KIFAP3: variants seen among roughly 807,000 people sequenced by gnomAD.
KIFAP3 encodes the protein kinesin associated protein 3, also known as kinesin-associated protein 3.
KIFAP3 carries 68 observed loss-of-function variants against 106.5 expected under a neutral mutation model. The ratio of observed to expected loss-of-function variants is 0.64; its 90% CI spans 0.53 to 0.78. The LOEUF (loss-of-function observed/expected upper bound fraction) is 0.78. Among genes scored for constraint, KIFAP3 ranks in the 30% least tolerant of loss-of-function variants. KIFAP3 has a pLI of 0.00. For missense variants in KIFAP3, 780 were observed against 941.8 expected (o/e 0.83, Z 2.25); for synonymous variants, 320 against 311.5 (o/e 1.03, Z -0.29).
chr1:169,964,538 T>C (rs1036541978), intron 17 of KIFAP3, among the ~76,000 whole-genome samples: 7 of 152,176 alleles, frequency 4.6e-5, no homozygotes, highest in Non-Finnish European at 8.8e-5. Context: ...GAGGAAGTCA[T>C]TGACCAAGGA....
At chr1:169,931,566 T>C (rs1425559378) in intron 19 of KIFAP3, among the ~76,000 whole-genome samples, 1 of 152,230 alleles carries the variant, frequency 6.6e-6, no homozygotes, top group East Asian at 1.9e-4. Context: ...TTGGCAGTTC[T>C]ATACTATCAA....
intron 1 of KIFAP3, chr1:170,068,433 A>C (rs1162138513): frequency 2.0e-5 from 3 of 152,154 alleles, no homozygotes; most frequent in Non-Finnish European, 4.4e-5. Flanking sequence ...GAAATAAAAA[A>C]ATCACTACAG....
At chr1:170,024,817 T>C (rs994602906) in intron 8 of KIFAP3, 38 of 351,144 alleles carry the variant, frequency 1.1e-4, no homozygotes, top group Admixed American at 4.6e-5. Context: ...AACACACATA[T>C]AAAATAATTC....
chr1:170,027,130 C>T (rs1049199993), intron 8 of KIFAP3, among the ~76,000 whole-genome samples: 1 of 149,910 alleles, frequency 6.7e-6, no homozygotes, highest in Admixed American at 6.8e-5. Context: ...AACAATTCTC[C>T]TGCCTCAGCC....
chr1:169,984,733 CA>C, intron 11 of KIFAP3, 43 bp from the exon 12 acceptor site: 6 of 1,022,040 alleles, frequency 5.9e-6, no homozygotes, highest in Non-Finnish European at 9.1e-6. Flanking sequence ...GAAACAAAGA[CA>C]AAAAACCAAA....
At chr1:170,005,351 T>C (rs942571348) in intron 10 of KIFAP3, among the ~76,000 whole-genome samples, 1 of 152,164 alleles carries the variant, frequency 6.6e-6, no homozygotes, top group Admixed American at 6.5e-5. Context: ...GCCATCCCAT[T>C]ACAGGGTATA....
At chr1:170,012,737 C>T (rs987563663) in intron 10 of KIFAP3, among the ~76,000 whole-genome samples, 20 of 151,882 alleles carry the variant, frequency 1.3e-4, no homozygotes, top group Admixed American at 5.9e-4. Flanking sequence ...TACAGACATA[C>T]CCAAGACGGG....
intron 4 of KIFAP3, 76 bp from the exon 5 acceptor site, chr1:170,038,507 C>T: frequency 1.4e-6 from 2 of 1,404,844 alleles, no homozygotes; most frequent in South Asian, 2.5e-5. Flanking sequence ...ATTTTGTGAT[C>T]AATATACTGG....
At chr1:169,945,552 A>G (rs147946410) in intron 19 of KIFAP3, among the ~76,000 whole-genome samples, 86 of 152,256 alleles carry the variant, frequency 5.6e-4, no homozygotes, top group African/African-American at 1.8e-3. Flanking sequence ...ATCACTAATA[A>G]AGTTACAATA....
intron 10 of KIFAP3, among the ~76,000 whole-genome samples, chr1:170,011,927 A>T (rs1292820829): frequency 6.6e-6 from 1 of 152,168 alleles, no homozygotes; most frequent in Non-Finnish European, 1.5e-5. Flanking sequence ...GAAATCAATT[A>T]TACACTAAAT....
intron 19 of KIFAP3, among the ~76,000 whole-genome samples, chr1:169,937,537 G>A (rs1183688523): frequency 6.6e-6 from 1 of 151,748 alleles, no homozygotes; most frequent in Non-Finnish European, 1.5e-5. Context: ...TTTTAAGTAT[G>A]GAGTAGTATT....
At chr1:170,024,252 T>A in intron 9 of KIFAP3, 166 bp downstream of exon 9, 1 of 466,712 alleles carries the variant, frequency 2.1e-6, no homozygotes, top group Non-Finnish European at 3.8e-6. Flanking sequence ...TATTAACTAA[T>A]ATGGAATACA....
chr1:169,998,092 C>A (rs143596508), intron 10 of KIFAP3, among the ~76,000 whole-genome samples: 97 of 151,422 alleles, frequency 6.4e-4, no homozygotes, highest in Middle Eastern at 3.4e-3. Context: ...CCCCCCTCCA[C>A]ACACATTCAG....
At chr1:170,046,182 C>T (rs1425681168) in intron 3 of KIFAP3, among the ~76,000 whole-genome samples, 1 of 110,830 alleles carries the variant, frequency 9.0e-6, no homozygotes, top group African/African-American at 3.5e-5. Flanking sequence ...AGTTTGGTGA[C>T]CCCCAGATTA....
upstream of KIFAP3, among the ~76,000 whole-genome samples, chr1:170,077,928 A>T (rs1453854209): frequency 1.3e-5 from 2 of 152,006 alleles, no homozygotes; most frequent in Non-Finnish European, 2.9e-5. Context: ...GTATGAATGT[A>T]CCATAGTTTA....
intron 1 of KIFAP3, among the ~76,000 whole-genome samples, chr1:170,079,941 G>A (rs548751304): frequency 5.5e-4 from 83 of 151,704 alleles, no homozygotes; most frequent in Non-Finnish European, 9.0e-4. Context: ...AATTTTGGTA[G>A]AATTATCCCT....
chr1:170,038,658 A>C (rs1232140688), intron 4 of KIFAP3, among the ~76,000 whole-genome samples: 1 of 152,236 alleles, frequency 6.6e-6, no homozygotes, highest in African/African-American at 2.4e-5. Flanking sequence ...AAAATTGTCT[A>C]TCAATATAAA....
chr1:170,049,642 C>G (rs1670469964), intron 2 of KIFAP3, among the ~76,000 whole-genome samples: 1 of 152,186 alleles, frequency 6.6e-6, no homozygotes, highest in South Asian at 2.1e-4. Context: ...GGGGAAGGAG[C>G]AGGCAGTAAT....
rs1666551161 is a variant in KIFAP3 at position 169,982,051 on chromosome 1, T to C, written c.1719A>G (p.Gly573=). ...CACAAGAGTCATCCATGGATACAGT[T>C]CCAATCATTATAACCACTTCTAAAA... The part of the protein sequence containing the change: ...DLVLEVVIMI[G]TVSMDDSCAA... Residue 573 remains glycine, a synonymous_variant, in exon 15 of 20, where the codon GGA becomes GGG. Transcript: ENST00000361580. 1.9e-6 allele frequency: 3 copies of C among 1,613,476 alleles called. No individual in the cohort carries two copies. Among genetic ancestry groups the C allele is most frequent in the Non-Finnish European group, 2.5e-6 (3 of 1,179,472 alleles).
Sources: allele counts gnomAD v4.1 joint callset (sites outside exome capture counted in the v4.1 genomes callset), GRCh38; gene constraint gnomAD v4.1.1; transcripts MANE v1.5; gene names NCBI Gene and HGNC (gene_info 2026-07-23, HGNC 2026-07-21).